The following NRG1 variants were observed in gnomAD, a reference collection of about 807,000 sequenced individuals.
NRG1 encodes the protein pro-neuregulin-1, membrane-bound isoform.
A neutral mutation model predicts 63.8 loss-of-function variants in NRG1; 18 were observed. The ratio of observed to expected loss-of-function variants is 0.28; its 90% CI spans 0.19 to 0.42. The LOEUF is 0.42. Among genes scored for constraint, NRG1 ranks in the 10% least tolerant of loss-of-function variants. NRG1 has a pLI of 1.00. For missense variants in NRG1, 762 were observed against 814.7 expected, an observed-to-expected ratio of 0.94 and a Z score of 0.79; for synonymous variants, 302 against 301.3, an observed-to-expected ratio of 1.00 and a Z score of -0.02.
chr8:32,411,818 A>G (rs1465676815), intron 1 of NRG1, among the ~76,000 whole-genome samples: 2 of 152,252 alleles, frequency 1.3e-5, no homozygotes, highest in Admixed American at 1.3e-4. Context: ...AAACGTGTAC[A>G]TATTCTTTGA....
rs1826573866 is a variant in NRG1 at position 32,742,461 on chromosome 8, A to G, written c.633-214A>G. ...CTTAAAGTGCTGGGATCTTTCCACC[A>G]TACCAACTTAAGAACTGCATTCTGT... On this transcript the variant is annotated intron_variant, in intron 6 of 11. Transcript: ENST00000356819. The surrounding 1 kb of genome is among the most constrained non-coding windows in gnomAD (Gnocchi z 4.2). 1.3e-5 allele frequency among the ~76,000 whole-genome samples: 2 copies of G among 152,182 alleles called. No homozygotes were observed. The highest frequency in any genetic ancestry group is 2.1e-4 in the South Asian group (1 of 4,832).
chr8:31,868,794 G>T (rs750350884), intron 1 of NRG1, among the ~76,000 whole-genome samples: 1 of 152,160 alleles, frequency 6.6e-6, no homozygotes, highest in Non-Finnish European at 1.5e-5. Flanking sequence ...GGGATCCAAG[G>T]TTCAGAGGGA....
chr8:31,682,189 T>C (rs1808406641), intron 1 of NRG1, among the ~76,000 whole-genome samples: 1 of 152,206 alleles, frequency 6.6e-6, no homozygotes, highest in Non-Finnish European at 1.5e-5. Flanking sequence ...GAATGTCATA[T>C]AGTGGCAATC....
At chr8:32,019,880 T>C (rs1278165419) in intron 1 of NRG1, among the ~76,000 whole-genome samples, 1 of 152,206 alleles carries the variant, frequency 6.6e-6, no homozygotes, top group Non-Finnish European at 1.5e-5. Context: ...TGTAGTTTAT[T>C]ATGCTCGTTT....
Position 32,525,391 on chromosome 8 carries a change from G to GGGGT in NRG1, c.38-70436_38-70435insGGTG, listed in dbSNP as rs201406545. ...ATTCTCATCTTAAGCATGAGGTAGG[G>GGGGT]GTGTGTGTGTGTGTGTGTGTGTGTG... On this transcript the variant is annotated intron_variant, in intron 1 of 10. Transcript: ENST00000519301. Among the ~76,000 whole-genome samples the GGGGT allele has an allele frequency of 7.4e-3, 1,081 of 145,890 alleles. 8 individuals carry two copies. Among genetic ancestry groups the GGGGT allele is most frequent in the Middle Eastern group, 0.018 (5 of 284 alleles).
Position 32,356,059 on chromosome 8 carries a change from G to C in NRG1, c.38-239769G>C, listed in dbSNP as rs1429018713. On this transcript the variant is annotated intron_variant, in intron 1 of 10. Coordinates refer to the NRG1 transcript ENST00000519301. ...GACCACAGTCTTGTCATTGTACCAT[G>C]ACTCACCAGGAGGACAGAGGACAAG... Among the ~76,000 whole-genome samples, 2 of 152,126 alleles carry C rather than the reference G, an allele frequency of 1.3e-5. 1 individual carries two copies. Among genetic ancestry groups the C allele is most frequent in the East Asian group, 3.9e-4 (2 of 5,174 alleles).
intron 1 of NRG1, among the ~76,000 whole-genome samples, chr8:31,939,957 C>T (rs1297554944): frequency 6.6e-6 from 1 of 152,070 alleles, no homozygotes; most frequent in Non-Finnish European, 1.5e-5. Flanking sequence ...TAGACAGCAA[C>T]ACAATAGTAG....
intron 1 of NRG1, among the ~76,000 whole-genome samples, chr8:32,469,999 A>G (rs1226103621): frequency 6.7e-6 from 1 of 149,616 alleles, no homozygotes; most frequent in Non-Finnish European, 1.5e-5. Context: ...CTGGGATTAC[A>G]GGCGCCAGCC....
chr8:31,695,468 C>A (rs1809965739), intron 1 of NRG1, among the ~76,000 whole-genome samples: 1 of 152,250 alleles, frequency 6.6e-6, no homozygotes, highest in African/African-American at 2.4e-5. Flanking sequence ...CCATGCTCGG[C>A]CTACACACTT....
intron 1 of NRG1, among the ~76,000 whole-genome samples, chr8:32,030,786 A>T (rs1818144497): frequency 6.6e-6 from 1 of 152,356 alleles, no homozygotes. Flanking sequence ...TCAGATTAGA[A>T]GCATGGAGCA....
At chr8:32,464,124 G>A (rs1484313124) in intron 1 of NRG1, among the ~76,000 whole-genome samples, 1 of 151,544 alleles carries the variant, frequency 6.6e-6, no homozygotes, top group Non-Finnish European at 1.5e-5. Flanking sequence ...TCGATCTCCT[G>A]ACCTCGTGAT....
At chr8:32,567,998 G>A (rs1480208867) in intron 1 of NRG1, among the ~76,000 whole-genome samples, 5 of 152,246 alleles carry the variant, frequency 3.3e-5, no homozygotes, top group African/African-American at 1.2e-4. Flanking sequence ...CAGGTCAAGG[G>A]TGAGATTTAG....
chr8:32,291,533 CTTTT>C (rs757839225), intron 1 of NRG1, among the ~76,000 whole-genome samples: 3 of 98,036 alleles, frequency 3.1e-5, no homozygotes, highest in African/African-American at 1.2e-4. Flanking sequence ...TTTTTATCCA[CTTTT>C]TTTTTTTTTT....
At chr8:32,503,129 C>A (rs1167810929) in intron 1 of NRG1, among the ~76,000 whole-genome samples, 4 of 149,188 alleles carry the variant, frequency 2.7e-5, no homozygotes, top group African/African-American at 2.5e-5. Context: ...ACTAAAAATA[C>A]AAAAAAAATT....
At chr8:32,739,379 T>A (rs1256316173) in intron 6 of NRG1, among the ~76,000 whole-genome samples, 1 of 152,114 alleles carries the variant, frequency 6.6e-6, no homozygotes, top group African/African-American at 2.4e-5. Context: ...CTTATAACAC[T>A]AAGAAACAAT....
At chr8:31,837,253 A>T (rs1038718919) in intron 1 of NRG1, among the ~76,000 whole-genome samples, 4 of 152,034 alleles carry the variant, frequency 2.6e-5, no homozygotes, top group Admixed American at 2.6e-4. Flanking sequence ...ATAAATTTTT[A>T]CATAAACAGA....
At chr8:31,946,620 G>C (rs1182492935) in intron 1 of NRG1, among the ~76,000 whole-genome samples, 1 of 150,444 alleles carries the variant, frequency 6.6e-6, no homozygotes, top group Non-Finnish European at 1.5e-5. Context: ...CACTCTTTAT[G>C]ATTACACCAA....
intron 1 of NRG1, among the ~76,000 whole-genome samples, chr8:32,134,101 A>C (rs1011173734): frequency 6.6e-6 from 1 of 152,174 alleles, no homozygotes; most frequent in Non-Finnish European, 1.5e-5. Flanking sequence ...AGGTCTATGA[A>C]GAAAGGACTC....
chr8:32,285,413 A>G (rs903692528), intron 1 of NRG1, among the ~76,000 whole-genome samples: 3 of 152,204 alleles, frequency 2.0e-5, no homozygotes, highest in African/African-American at 4.8e-5. Context: ...AGTCAAAAGC[A>G]TACAATTACA....
Sources: gnomAD v4.1 joint callset for allele counts (sites outside exome capture counted in the v4.1 genomes callset) on GRCh38, gnomAD v4.1.1 for gene constraint, Gnocchi (gnomAD v3.1) non-coding constraint, MANE v1.5 for transcripts, NCBI Gene and HGNC (gene_info 2026-07-23, HGNC 2026-07-21) for gene names.